TAMALIN: variants seen among roughly 807,000 people sequenced by gnomAD.
TAMALIN encodes the protein trafficking regulator and scaffold protein tamalin.
A neutral mutation model predicts 38.5 loss-of-function variants in TAMALIN; 9 were observed. The ratio of observed to expected loss-of-function variants is 0.23; its 90% CI spans 0.14 to 0.41. The LOEUF (loss-of-function observed/expected upper bound fraction) is 0.41. Among genes scored for constraint, TAMALIN ranks in the 10% least tolerant of loss-of-function variants. TAMALIN has a pLI of 1.00. For missense variants in TAMALIN, 548 were observed against 554.1 expected, an observed-to-expected ratio of 0.99 and a Z score of 0.11; for synonymous variants, 306 against 256.5, an observed-to-expected ratio of 1.19 and a Z score of -1.85.
At position 52,007,909 on chromosome 12, in the gene TAMALIN, C is replaced by G; in HGVS notation, c.246+644C>G. On this transcript the variant is annotated intron_variant, in intron 1 of 7. Transcript: ENST00000293662. This position sits in a 1 kb window ranked among gnomAD's most constrained non-coding sequence, Gnocchi z 6.7. ...CCCGCGGGGCAGGAAGGATGCGGGC[C>G]GCGCCCACCTCTGAGTCCCCTCTGC... 1.0e-6 allele frequency: 1 copy of G among 985,398 alleles called. No homozygotes were observed. Among genetic ancestry groups the G allele is most frequent in the Non-Finnish European group, 1.2e-6 (1 of 829,900 alleles). 61.0% of individuals were successfully genotyped at this position (985,398 alleles called of 1,614,324 possible).
chr12:52,009,421 G>A (rs1402966619), intron 2 of TAMALIN, among the ~76,000 whole-genome samples, 182 bp downstream of exon 2: 2 of 152,340 alleles, frequency 1.3e-5, no homozygotes, highest in African/African-American at 4.8e-5. Flanking sequence ...GGCAGAGAAA[G>A]GAGGTAGGGA....
intron 7 of TAMALIN, 158 bp from the exon 8 acceptor site, chr12:52,014,536 G>C (rs1479530685): frequency 1.6e-6 from 1 of 621,162 alleles, no homozygotes; most frequent in Non-Finnish European, 2.8e-6. Context: ...CCTGATTTGC[G>C]GGTGAGGGAA....
chr12:52,011,393 T>C lies in TAMALIN; in HGVS notation c.454+252T>C. 3.2e-6 allele frequency: 2 copies of C among 620,046 alleles called. No individual in the cohort carries two copies. Among genetic ancestry groups the C allele is most frequent in the Non-Finnish European group, 2.9e-6 (1 of 350,710 alleles). The allele number at this position is 620,046 out of a possible 1,614,324, so 38.4% of individuals were successfully genotyped here. On this transcript the variant is annotated intron_variant, in intron 4 of 7. Transcript: ENST00000293662. This position sits in a 1 kb window ranked among gnomAD's most constrained non-coding sequence, Gnocchi z 5.3. ...AAACATCACAGTGCGGCAAGGGGATTCCCTGGGCACACTGCCAGGGCCTAA... is the reference window on the plus strand; with the variant it reads ...AAACATCACAGTGCGGCAAGGGGATCCCCTGGGCACACTGCCAGGGCCTAA...
chr12:52,014,660 T>C, intron 7 of TAMALIN, 34 bp from the exon 8 acceptor site: 1 of 1,436,024 alleles, frequency 7.0e-7, no homozygotes, highest in Admixed American at 2.8e-5. Context: ...GGTCCAGGCC[T>C]GACCCGCCCC....
chr12:52,010,384 G>A (rs1942483040), intron 2 of TAMALIN: 1 of 439,238 alleles, frequency 2.3e-6, no homozygotes, highest in Non-Finnish European at 3.1e-6. Flanking sequence ...GGGCGGCCTC[G>A]AGGCTCCCCT....
intron 4 of TAMALIN, among the ~76,000 whole-genome samples, chr12:52,012,781 G>C (rs1184257337): frequency 6.6e-6 from 1 of 152,196 alleles, no homozygotes; most frequent in Admixed American, 6.5e-5. Context: ...CCCTGACATG[G>C]GGCACACTGT....
At chr12:52,013,532 G>A (rs1937709786) in intron 4 of TAMALIN, 155 bp from the exon 5 acceptor site, 3 of 643,752 alleles carry the variant, frequency 4.7e-6, no homozygotes, top group Non-Finnish European at 8.4e-6. Flanking sequence ...AGATGTCAGA[G>A]GAGATCTACA....
Position 52,014,844 on chromosome 12 carries a change from G to T in TAMALIN, c.833G>T (p.Gly278Val). The T allele has an allele frequency of 3.1e-6, 4 of 1,274,584 alleles. No homozygotes were observed. Among genetic ancestry groups the T allele is most frequent in the Non-Finnish European group, 4.0e-6 (4 of 1,009,316 alleles). 79.0% of individuals were successfully genotyped at this position (1,274,584 alleles called of 1,614,324 possible). A position where few individuals can be genotyped will look rare whatever the true frequency, so the allele number is the denominator to read the frequency against. ...RPRGGARRAR[G>V]DADDAVYHTC... ...CGCGGAGGCGCCCGACGGGCCAGGG[G>T]CGACGCCGACGACGCCGTCTACCAC... Residue 278 changes from glycine (G) to valine (V), a missense_variant, in exon 8 of 8, where the codon GGC becomes GTC. Coordinates refer to ENST00000293662, the MANE Select transcript of TAMALIN (RefSeq NM_181711.4).
Position 52,007,926 on chromosome 12 carries a change from C to A in TAMALIN, c.246+661C>A. The A allele has an allele frequency of 4.1e-6, 4 of 985,446 alleles. No homozygotes were observed. The highest frequency in any genetic ancestry group is 4.8e-6 in the Non-Finnish European group (4 of 829,918). The allele number at this position is 985,446 out of a possible 1,614,324, so 61.0% of individuals were successfully genotyped here. A position where few individuals can be genotyped will look rare whatever the true frequency, so the allele number is the denominator to read the frequency against. Reference sequence around the variant, plus strand: ...ATGCGGGCCGCGCCCACCTCTGAGTCCCCTCTGCCAGCCTCTTCCTCTGGC... The same window carrying A: ...ATGCGGGCCGCGCCCACCTCTGAGTACCCTCTGCCAGCCTCTTCCTCTGGC... On this transcript the variant is annotated intron_variant, in intron 1 of 7. Transcript: ENST00000293662. This position sits in a 1 kb window ranked among gnomAD's most constrained non-coding sequence, Gnocchi z 6.7.
chr12:52,009,354 C>A, intron 2 of TAMALIN, 115 bp downstream of exon 2: 4 of 991,132 alleles, frequency 4.0e-6, no homozygotes, highest in Non-Finnish European at 6.2e-6. Flanking sequence ...AGCCTTTAAA[C>A]ATGGCTCCCC....
intron 4 of TAMALIN, among the ~76,000 whole-genome samples, chr12:52,012,993 T>C (rs1427992665): frequency 6.6e-6 from 1 of 152,024 alleles, no homozygotes; most frequent in Non-Finnish European, 1.5e-5. Flanking sequence ...CTGGGTCTTA[T>C]GGCCAGCGTG....
At chr12:52,010,073 C>T (rs1367233965) in intron 2 of TAMALIN, among the ~76,000 whole-genome samples, 3 of 152,108 alleles carry the variant, frequency 2.0e-5, no homozygotes, top group Non-Finnish European at 4.4e-5. Context: ...CCCAATAGTA[C>T]AGAGAGGGGA....
In TAMALIN at chr12:52,011,012, GGCTGA is replaced by G; in HGVS notation, c.352-25_352-21del. The G allele has an allele frequency of 6.2e-7, 1 of 1,613,930 alleles. No homozygotes were observed. Among genetic ancestry groups the G allele is most frequent in the Non-Finnish European group, 8.5e-7 (1 of 1,179,976 alleles). On this transcript the variant is annotated intron_variant, in intron 3 of 7. Coordinates refer to ENST00000293662, the MANE Select transcript of TAMALIN (RefSeq NM_181711.4). The surrounding 1 kb of genome is among the most constrained non-coding windows in gnomAD (Gnocchi z 5.3). ...GATGAACGGACTTGTCCCAACCCTGGGCTGAGGGTCCCCTTGTCCATTACAGACTT... is the reference window on the plus strand; with the variant it reads ...GATGAACGGACTTGTCCCAACCCTGGGGGTCCCCTTGTCCATTACAGACTT...
In TAMALIN at chr12:52,007,060, A is replaced by C. The variant is rs1208197506; in HGVS notation, c.41A>C (p.Glu14Ala). 1.9e-5 allele frequency: 28 copies of C among 1,457,814 alleles called. No individual in the cohort carries two copies. The highest frequency in any genetic ancestry group is 6.0e-5 in the East Asian group (2 of 33,262). 90.3% of individuals were successfully genotyped at this position (1,457,814 alleles called of 1,614,324 possible). Reference protein sequence around the residue: ...RRLRKLQQKEEAAATPDPAAR... With the variant: ...RRLRKLQQKEAAAATPDPAAR... ...CTCAGGAAGCTGCAGCAGAAGGAGG[A>C]GGCGGCGGCCACCCCGGACCCCGCC... Residue 14 changes from glutamate (E) to alanine (A), a missense_variant, in exon 1 of 8, where the codon GAG (glutamate) becomes GCG (alanine). Glu to Ala is a moderately radical substitution (Grantham distance 107). This residue lies in a region of TAMALIN where 128 missense variants were observed against 117.9 expected (regional missense o/e 1.09). Transcript: ENST00000293662. This position sits in a 1 kb window ranked among gnomAD's most constrained non-coding sequence, Gnocchi z 6.7.
intron 7 of TAMALIN, 68 bp from the exon 8 acceptor site, chr12:52,014,626 C>G (rs1937741916): frequency 7.9e-7 from 1 of 1,267,916 alleles, no homozygotes; most frequent in African/African-American, 1.5e-5. Flanking sequence ...CCCATGCCCT[C>G]CGACCCTTTG....
At chr12:52,010,986 G>A (rs1322646782) in intron 3 of TAMALIN, 51 bp downstream of exon 3, 1 of 1,613,882 alleles carries the variant, frequency 6.2e-7, no homozygotes, top group Admixed American at 1.7e-5. Context: ...CCAGCCTGAG[G>A]GATGAACGGA....
At chr12:52,014,246 A>G (rs1229083999) in intron 7 of TAMALIN, 45 bp downstream of exon 7, 1 of 1,479,628 alleles carries the variant, frequency 6.8e-7, no homozygotes. Context: ...TCTGCTACAG[A>G]CACCCCATCT....
Position 52,011,207 on chromosome 12 carries a change from G to T in TAMALIN, c.454+66G>T. On this transcript the variant is annotated intron_variant, in intron 4 of 7. Coordinates refer to ENST00000293662, the MANE Select transcript of TAMALIN (RefSeq NM_181711.4). This position sits in a 1 kb window ranked among gnomAD's most constrained non-coding sequence, Gnocchi z 5.3. Reference sequence around the variant, plus strand: ...TATGACCTTACTCCCAAGCAAAGGGGGTGAGCAATCTCTCCTGAAATCAAT... The same window carrying T: ...TATGACCTTACTCCCAAGCAAAGGGTGTGAGCAATCTCTCCTGAAATCAAT... 6.2e-7 allele frequency: 1 copy of T among 1,600,712 alleles called. No individual in the cohort carries two copies. Among genetic ancestry groups the T allele is most frequent in the Non-Finnish European group, 8.5e-7 (1 of 1,179,238 alleles).
chr12:52,010,893 G>T lies in TAMALIN; in HGVS notation c.309G>T (p.Thr103=), dbSNP rs149650071. The part of the protein sequence containing the change: ...QSPEQQRKVL[T]LEKEDNQTFG... The stretch of plus-strand genomic sequence containing the variant: ...GTGTCTCTTGCAGGAAAGTGCTGAC[G>T]TTGGAGAAGGAGGATAACCAGACCT... Residue 103 remains threonine (T), a synonymous_variant, in exon 3 of 8, where the codon ACG becomes ACT. Coordinates refer to ENST00000293662, the MANE Select transcript of TAMALIN (RefSeq NM_181711.4). The T allele has an allele frequency of 6.2e-7, 1 of 1,614,030 alleles. No individual in the cohort carries two copies. The highest frequency in any genetic ancestry group is 8.5e-7 in the Non-Finnish European group (1 of 1,180,044).
Sources: gnomAD v4.1 joint callset for allele counts (sites outside exome capture counted in the v4.1 genomes callset) on GRCh38, gnomAD v4.1.1 for gene constraint, gnomAD v4.1.1 regional missense constraint, Gnocchi (gnomAD v3.1) non-coding constraint, MANE v1.5 for transcripts, NCBI Gene and HGNC (gene_info 2026-07-23, HGNC 2026-07-21) for gene names.